The following AGO2 variants were observed in gnomAD, a reference collection of about 807,000 sequenced individuals.
AGO2 encodes argonaute RISC catalytic component 2.
Under a neutral mutation model 102.3 loss-of-function variants are expected in AGO2, and 5 were observed. That is an observed-to-expected ratio of 0.05 (90% CI 0.03 to 0.10). The LOEUF (loss-of-function observed/expected upper bound fraction) is 0.10. Among genes scored for constraint, AGO2 ranks in the 10% least tolerant of loss-of-function variants. The pLI is 1.00. For missense variants in AGO2, 541 were observed against 1,183.7 expected (o/e 0.46, Z 7.97); for synonymous variants, 449 against 473.1 (o/e 0.95, Z 0.66).
intron 1 of AGO2, among the ~76,000 whole-genome samples, chr8:140,595,816 T>A (rs61290351): frequency 8.5e-4 from 8 of 9,438 alleles, no homozygotes; most frequent in African/African-American, 2.1e-3. Context: ...ATTGTATATA[T>A]TATATTTATA....
chr8:140,560,049 A>G (rs1176899373), intron 5 of AGO2, among the ~76,000 whole-genome samples: 1 of 152,218 alleles, frequency 6.6e-6, no homozygotes, highest in African/African-American at 2.4e-5. Flanking sequence ...GCCTCCCAAG[A>G]GAGGGACAGG....
chr8:140,588,116 A>C (rs2073685690), intron 1 of AGO2, among the ~76,000 whole-genome samples: 1 of 152,196 alleles, frequency 6.6e-6, no homozygotes, highest in Non-Finnish European at 1.5e-5. Context: ...CCTCCTCCCC[A>C]GGCCACAGGT....
At chr8:140,576,168 G>A (rs1345943867) in intron 2 of AGO2, among the ~76,000 whole-genome samples, 1 of 152,146 alleles carries the variant, frequency 6.6e-6, no homozygotes, top group African/African-American at 2.4e-5. Context: ...CAAAAAATTA[G>A]CTGGGTGTAG....
intron 1 of AGO2, among the ~76,000 whole-genome samples, chr8:140,588,526 G>C (rs74748768): frequency 0.087 from 12,838 of 147,664 alleles, 622 homozygotes; most frequent in Non-Finnish European, 0.11. Flanking sequence ...GGCGCCAAAA[G>C]AGTTCCTCAG....
chr8:140,531,597 A>G lies in AGO2; in HGVS notation c.*447T>C, dbSNP rs1383556731. On this transcript the variant is annotated 3_prime_UTR_variant, in exon 19 of 19. Transcript: ENST00000220592. ...CTTTAGTGACAACATCAGAATGTTC[A>G]AGGCTTTAAAACCACACTTGTGTTT... The G allele has an allele frequency of 6.3e-6, 1 of 159,836 alleles. No homozygotes were observed. The highest frequency in any genetic ancestry group is 1.4e-5 in the Non-Finnish European group (1 of 71,910). 9.9% of individuals were successfully genotyped at this position (159,836 alleles called of 1,614,324 possible). A position where few individuals can be genotyped will look rare whatever the true frequency, so the allele number is the denominator to read the frequency against.
chr8:140,592,332 G>A (rs1231539164), intron 1 of AGO2: 4 of 152,186 alleles, frequency 2.6e-5, no homozygotes. Context: ...AATGCCTTAT[G>A]CGTACATTTC....
At chr8:140,617,764 C>A (rs2074159769) in intron 1 of AGO2, among the ~76,000 whole-genome samples, 1 of 152,172 alleles carries the variant, frequency 6.6e-6, no homozygotes, top group African/African-American at 2.4e-5. Flanking sequence ...GGCCTGTGAT[C>A]CCAGCACTTT....
intron 1 of AGO2, among the ~76,000 whole-genome samples, chr8:140,624,300 A>G (rs2074249444): frequency 6.6e-6 from 1 of 152,022 alleles, no homozygotes; most frequent in Non-Finnish European, 1.5e-5. Flanking sequence ...CCAAACAGCC[A>G]AGCAGGGCGA....
chr8:140,639,783 CAA>C (rs2074430677), upstream of AGO2, among the ~76,000 whole-genome samples: 1 of 152,038 alleles, frequency 6.6e-6, no homozygotes, highest in Non-Finnish European at 1.5e-5. Flanking sequence ...AGAAACAAAA[CAA>C]AAACAGGCCA....
chr8:140,586,087 C>T (rs991742433), intron 1 of AGO2, among the ~76,000 whole-genome samples: 5 of 152,248 alleles, frequency 3.3e-5, no homozygotes, highest in East Asian at 1.9e-4. Flanking sequence ...TCCACCAAGT[C>T]GCCATGACTT....
intron 16 of AGO2, among the ~76,000 whole-genome samples, chr8:140,537,632 G>A (rs1224583916): frequency 6.6e-6 from 1 of 151,482 alleles, no homozygotes. Flanking sequence ...TTTCATTTTT[G>A]TCTGGAAACA....
At chr8:140,593,077 A>G (rs942762182) in intron 1 of AGO2, 1 of 152,274 alleles carries the variant, frequency 6.6e-6, no homozygotes, top group African/African-American at 2.4e-5. Flanking sequence ...TACTTCAGAA[A>G]GAGTCTTGTT....
rs967081997 is a variant in AGO2, at chr8:140,529,046, T to A, written c.*2998A>T. On this transcript the variant is annotated 3_prime_UTR_variant, in exon 19 of 19. Transcript: ENST00000220592. ...CCTCTTTTAAAGAGATGAGATAAAA[T>A]CCCAGTTTTTCTTTTAAACAAACCC... The A allele has an allele frequency of 6.6e-6, 1 of 152,180 alleles. No homozygotes were observed. Among genetic ancestry groups the A allele is most frequent in the African/African-American group, 2.4e-5 (1 of 41,446 alleles). 9.4% of individuals were successfully genotyped at this position (152,180 alleles called of 1,614,324 possible). A position where few individuals can be genotyped will look rare whatever the true frequency, so the allele number is the denominator to read the frequency against.
chr8:140,572,848 T>A lies in AGO2; in HGVS notation c.300A>T (p.Leu100=). ...CAATCGGAAGGGGCATGGCTGTGTATAGATTCTTCCTGCCGTCAAACACGG... is the reference window on the plus strand; with the variant it reads ...CAATCGGAAGGGGCATGGCTGTGTAAAGATTCTTCCTGCCGTCAAACACGG... ...RKPVFDGRKN[L]YTAMPLPIGR... Residue 100 remains leucine, a synonymous_variant, in exon 3 of 19, where the codon CTA becomes CTT. Transcript: ENST00000220592. The A allele has an allele frequency of 6.2e-7, 1 of 1,614,118 alleles. No individual in the cohort carries two copies. The highest frequency in any genetic ancestry group is 8.5e-7 in the Non-Finnish European group (1 of 1,180,028).
intron 17 of AGO2, among the ~76,000 whole-genome samples, chr8:140,535,066 C>G (rs981743474): frequency 3.3e-5 from 5 of 152,204 alleles, no homozygotes; most frequent in Admixed American, 1.3e-4. Context: ...GCCAAGTGCT[C>G]GTGAATCGAC....
intron 4 of AGO2, among the ~76,000 whole-genome samples, chr8:140,561,024 G>A (rs1227106893): frequency 6.6e-6 from 1 of 152,226 alleles, no homozygotes; most frequent in Non-Finnish European, 1.5e-5. Flanking sequence ...GGCTCCCCAG[G>A]TAGGCTCCGA....
chr8:140,635,869 C>A (rs1393497458), upstream of AGO2, among the ~76,000 whole-genome samples: 1 of 106,988 alleles, frequency 9.3e-6, no homozygotes, highest in Non-Finnish European at 1.9e-5. Context: ...CCTCGCCGGG[C>A]GGTGGGAACC....
At chr8:140,588,858 CGCA>C (rs1350366482) in intron 1 of AGO2, among the ~76,000 whole-genome samples, 1 of 152,202 alleles carries the variant, frequency 6.6e-6, no homozygotes, top group Non-Finnish European at 1.5e-5. Context: ...CGGAACCCAG[CGCA>C]GCGTCATGTA....
chr8:140,593,698 T>C (rs1328290805), intron 1 of AGO2, among the ~76,000 whole-genome samples: 1 of 151,992 alleles, frequency 6.6e-6, no homozygotes, highest in Non-Finnish European at 1.5e-5. Flanking sequence ...GCCACCACCA[T>C]TGTGTCAGGT....
Sources: allele counts gnomAD v4.1 joint callset (sites outside exome capture counted in the v4.1 genomes callset), GRCh38; gene constraint gnomAD v4.1.1; transcripts MANE v1.5; gene names NCBI Gene and HGNC (gene_info 2026-07-23, HGNC 2026-07-21).